The following GCSAML variants were observed in gnomAD, a reference collection of about 807,000 sequenced individuals.
GCSAML encodes germinal center-associated signaling and motility-like protein.
In GCSAML, 9 loss-of-function variants were observed where a neutral mutation model predicts 13.0. That is an observed-to-expected ratio of 0.69 (90% CI 0.42 to 1.21). The LOEUF (loss-of-function observed/expected upper bound fraction) is 1.21, where lower values mean the gene tolerates loss of function less well. Among genes scored for constraint, GCSAML ranks in the 50% most tolerant of loss-of-function variants. GCSAML has a pLI of 0.00. For synonymous variants in GCSAML, 37 were observed against 52.9 expected, an observed-to-expected ratio of 0.70 and a Z score of 1.31; for missense variants, 143 against 153.4, an observed-to-expected ratio of 0.93 and a Z score of 0.36.
chr1:247,543,673 A>G (rs1667478260), intron 2 of GCSAML, among the ~76,000 whole-genome samples: 1 of 152,234 alleles, frequency 6.6e-6, no homozygotes, highest in Non-Finnish European at 1.5e-5. Context: ...AGATTACTAA[A>G]TTATATATGA....
At chr1:247,573,392 G>A (rs1265132512) in intron 4 of GCSAML, among the ~76,000 whole-genome samples, 1 of 152,288 alleles carries the variant, frequency 6.6e-6, no homozygotes, top group East Asian at 1.9e-4. Flanking sequence ...GGGCTGGATA[G>A]CACTGTCCCT....
chr1:247,516,168 C>T (rs999921838), intron 1 of GCSAML, among the ~76,000 whole-genome samples: 4 of 152,196 alleles, frequency 2.6e-5, no homozygotes, highest in African/African-American at 9.6e-5. Context: ...CATGTCAATA[C>T]GGCAGGACCA....
chr1:247,569,952 G>C (rs1468820213), intron 4 of GCSAML, among the ~76,000 whole-genome samples: 11 of 152,128 alleles, frequency 7.2e-5, no homozygotes. Context: ...TGTGTGTCCA[G>C]GAATTTATCC....
At chr1:247,537,141 C>G (rs1296129836) in intron 2 of GCSAML, among the ~76,000 whole-genome samples, 5 of 152,192 alleles carry the variant, frequency 3.3e-5, no homozygotes, top group African/African-American at 7.2e-5. Flanking sequence ...CCAGCTCTCC[C>G]TAGCCCTGCC....
intron 1 of GCSAML, among the ~76,000 whole-genome samples, chr1:247,523,286 G>T (rs1173329338): frequency 1.3e-5 from 2 of 152,178 alleles, no homozygotes; most frequent in Non-Finnish European, 2.9e-5. Context: ...AGGAATAAAA[G>T]ATCTACATGC....
intron 1 of GCSAML, among the ~76,000 whole-genome samples, chr1:247,515,797 T>C (rs755438097): frequency 1.3e-5 from 2 of 152,146 alleles, no homozygotes; most frequent in Non-Finnish European, 2.9e-5. Context: ...TCCAGTCACC[T>C]CCCACTAGGC....
At chr1:247,528,682 T>G (rs1666783864) in intron 2 of GCSAML, 1 of 152,256 alleles carries the variant, frequency 6.6e-6, no homozygotes, top group Non-Finnish European at 1.5e-5. Flanking sequence ...TGGTTGTTAA[T>G]TTTTTATAGA....
chr1:247,539,205 A>G (rs1298720891), intron 2 of GCSAML, among the ~76,000 whole-genome samples: 1 of 152,108 alleles, frequency 6.6e-6, no homozygotes, highest in Non-Finnish European at 1.5e-5. Flanking sequence ...GGTGTAGGAA[A>G]ATGTGATTGG....
chr1:247,530,892 C>G (rs1475088063), intron 2 of GCSAML: 1 of 152,400 alleles, frequency 6.6e-6, no homozygotes, highest in Non-Finnish European at 1.5e-5. Flanking sequence ...CGCTTACCGC[C>G]GCCACCCGAA....
At chr1:247,539,594 G>T (rs946006126) in intron 2 of GCSAML, among the ~76,000 whole-genome samples, 1 of 152,018 alleles carries the variant, frequency 6.6e-6, no homozygotes, top group Non-Finnish European at 1.5e-5. Flanking sequence ...ACAAGTGACC[G>T]ACTAAAAGCA....
intron 2 of GCSAML, chr1:247,532,050 C>T (rs1375438491): frequency 6.2e-7 from 1 of 1,614,034 alleles, no homozygotes; most frequent in East Asian, 2.2e-5. Context: ...TGCTGGTGGT[C>T]AGACCCCCCA....
intron 1 of GCSAML, among the ~76,000 whole-genome samples, chr1:247,509,161 T>C (rs1665926413): frequency 6.6e-6 from 1 of 152,204 alleles, no homozygotes; most frequent in Non-Finnish European, 1.5e-5. Context: ...CTCCATTTGT[T>C]TGTGTCCTTT....
chr1:247,562,731 C>T (rs1007328805), intron 2 of GCSAML, among the ~76,000 whole-genome samples: 3 of 152,114 alleles, frequency 2.0e-5, no homozygotes, highest in East Asian at 1.9e-4. Flanking sequence ...GCTGGCAACC[C>T]CATCTCCTCC....
At chr1:247,540,892 A>C (rs1667391546) in intron 2 of GCSAML, among the ~76,000 whole-genome samples, 1 of 152,194 alleles carries the variant, frequency 6.6e-6, no homozygotes. Flanking sequence ...GCAAGGAAAA[A>C]AACTCAAGAG....
At chr1:247,546,229 C>T (rs1667563503), upstream of GCSAML, among the ~76,000 whole-genome samples, 2 of 152,116 alleles carry the variant, frequency 1.3e-5, no homozygotes, top group Non-Finnish European at 1.5e-5. Flanking sequence ...TAGCTATTCA[C>T]GGGCATGATC....
chr1:247,566,899 A>G (rs1246261702), intron 4 of GCSAML, among the ~76,000 whole-genome samples: 1 of 151,856 alleles, frequency 6.6e-6, no homozygotes, highest in Non-Finnish European at 1.5e-5. Context: ...CTTATTCATT[A>G]CTTACTGAGG....
chr1:247,520,918 T>G (rs7529224), intron 1 of GCSAML, among the ~76,000 whole-genome samples: 4 of 152,208 alleles, frequency 2.6e-5, no homozygotes, highest in African/African-American at 9.7e-5. Flanking sequence ...GTGTTTCTTA[T>G]TAAGCCTCTG....
chr1:247,517,509 T>C (rs2103304930), intron 1 of GCSAML, among the ~76,000 whole-genome samples: 1 of 152,340 alleles, frequency 6.6e-6, no homozygotes, highest in African/African-American at 2.4e-5. Flanking sequence ...AGCAGAGAAA[T>C]TGGTTCATGG....
At chr1:247,571,689 CT>C (rs1299130579) in intron 4 of GCSAML, among the ~76,000 whole-genome samples, 1 of 152,120 alleles carries the variant, frequency 6.6e-6, no homozygotes, top group African/African-American at 2.4e-5. Context: ...TGGGGTTGCT[CT>C]TCTCAGGAGT....
Sources: allele counts gnomAD v4.1 joint callset (sites outside exome capture counted in the v4.1 genomes callset), GRCh38; gene constraint gnomAD v4.1.1; transcripts MANE v1.5; gene names NCBI Gene and HGNC (gene_info 2026-07-23, HGNC 2026-07-21).